DENND2B: variants seen among roughly 807,000 people sequenced by gnomAD.
DENND2B encodes DENN domain-containing protein 2B.
DENND2B carries 32 observed loss-of-function variants against 116.0 expected under a neutral mutation model. The observed-to-expected ratio is 0.28, with a 90% confidence interval of 0.21 to 0.37. DENND2B has a LOEUF of 0.37. Among genes scored for constraint, DENND2B ranks in the 10% least tolerant of loss-of-function variants. The pLI is 1.00. For synonymous variants in DENND2B, 588 were observed against 583.9 expected, an observed-to-expected ratio of 1.01 and a Z score of -0.10; for missense variants, 1,276 against 1,477.7, an observed-to-expected ratio of 0.86 and a Z score of 2.24.
At chr11:8,804,423 G>A (rs1404196298) in intron 1 of DENND2B, among the ~76,000 whole-genome samples, 1 of 152,136 alleles carries the variant, frequency 6.6e-6, no homozygotes, top group South Asian at 2.1e-4. Flanking sequence ...TTGAGAGGTG[G>A]GGAGGAAATC....
intron 3 of DENND2B, among the ~76,000 whole-genome samples, chr11:8,846,286 A>G (rs2062810367): frequency 6.6e-6 from 1 of 152,228 alleles, no homozygotes; most frequent in Non-Finnish European, 1.5e-5. Flanking sequence ...TGAGTGTGGT[A>G]TGAAGGAATA....
chr11:8,814,192 A>C (rs2061489548), upstream of DENND2B, among the ~76,000 whole-genome samples: 2 of 150,414 alleles, frequency 1.3e-5, no homozygotes, highest in African/African-American at 4.9e-5. Flanking sequence ...CTCTCACCTT[A>C]ATTATTGCAA....
intron 1 of DENND2B, among the ~76,000 whole-genome samples, chr11:8,788,919 C>T (rs1056284476): frequency 6.6e-6 from 1 of 152,202 alleles, no homozygotes; most frequent in Non-Finnish European, 1.5e-5. Context: ...TTTCCTTCTG[C>T]CAATCCAGGC....
chr11:8,734,682 G>A (rs1342546551), intron 2 of DENND2B, among the ~76,000 whole-genome samples: 1 of 151,668 alleles, frequency 6.6e-6, no homozygotes, highest in East Asian at 1.9e-4. Flanking sequence ...GCAGTGACTC[G>A]GGAGGCTGAG....
chr11:8,716,117 G>T (rs192168132), intron 5 of DENND2B, among the ~76,000 whole-genome samples: 6 of 152,208 alleles, frequency 3.9e-5, no homozygotes, highest in Admixed American at 2.0e-4. Flanking sequence ...GGAATTTTGC[G>T]GGGGTCCTCC....
chr11:8,710,830 AATGGCCTC>A lies in DENND2B; in HGVS notation c.2352+7_2352+14del, dbSNP rs1363949773. 3.7e-6 allele frequency: 6 copies of A among 1,612,772 alleles called. No homozygotes were observed. The East Asian group carries it at 1.3e-4, about 36-fold the overall frequency. On this transcript the variant is annotated splice_region_variant and intron_variant, in intron 11 of 19. Transcript: ENST00000313726. ...CCCCTGCCTGCTGGCCTGAGGACCG[AATGGCCTC>A]ACTCACCAGTAAGCGCCTGCAGTAG...
At chr11:8,699,143 C>T in intron 15 of DENND2B, 70 bp downstream of exon 15, 1 of 1,516,984 alleles carries the variant, frequency 6.6e-7, no homozygotes, top group Non-Finnish European at 8.8e-7. Flanking sequence ...GGCCGAGGGG[C>T]CACAAGTAAG....
At chr11:8,906,562 T>C (rs1042914396) in intron 1 of DENND2B, among the ~76,000 whole-genome samples, 2 of 151,844 alleles carry the variant, frequency 1.3e-5, no homozygotes, top group East Asian at 3.9e-4. Flanking sequence ...ATATTAAATA[T>C]CTTCCAAATA....
chr11:8,880,696 G>A (rs73410028), intron 2 of DENND2B, among the ~76,000 whole-genome samples: 3,247 of 152,164 alleles, frequency 0.021, 109 homozygotes, highest in African/African-American at 0.073. Flanking sequence ...GCAAGACTTC[G>A]TCTCTAAAAA....
chr11:8,759,509 A>G (rs145190403), intron 1 of DENND2B, among the ~76,000 whole-genome samples: 1 of 152,178 alleles, frequency 6.6e-6, no homozygotes, highest in Non-Finnish European at 1.5e-5. Flanking sequence ...AATTTCTGCT[A>G]CATCTATGTT....
At chr11:8,795,027 C>A (rs1462349813) in intron 1 of DENND2B, among the ~76,000 whole-genome samples, 2 of 152,248 alleles carry the variant, frequency 1.3e-5, no homozygotes, top group Non-Finnish European at 2.9e-5. Context: ...GCCCTGCCAG[C>A]CAGTAGTAGT....
chr11:8,875,723 C>T (rs1234981725), upstream of DENND2B, among the ~76,000 whole-genome samples: 2 of 152,014 alleles, frequency 1.3e-5, no homozygotes, highest in Non-Finnish European at 2.9e-5. Context: ...GCCACCACAC[C>T]TAGCTGACAT....
intron 1 of DENND2B, among the ~76,000 whole-genome samples, chr11:8,765,671 T>C (rs1293870619): frequency 7.1e-6 from 1 of 140,246 alleles, no homozygotes; most frequent in African/African-American, 2.5e-5. Context: ...TAAATATTTT[T>C]CCTTTCAATT....
intron 1 of DENND2B, among the ~76,000 whole-genome samples, chr11:8,899,311 A>G (rs1273293159): frequency 6.6e-6 from 1 of 151,688 alleles, no homozygotes; most frequent in East Asian, 1.9e-4. Flanking sequence ...AAAACTTTAT[A>G]AATTTGAGGA....
chr11:8,766,833 G>A (rs1464531803), intron 1 of DENND2B: 5 of 396,874 alleles, frequency 1.3e-5, no homozygotes, highest in Non-Finnish European at 2.3e-5. Context: ...ATAGAATACA[G>A]TTATAGAACT....
At chr11:8,726,902 C>T (rs1210049885) in intron 3 of DENND2B, among the ~76,000 whole-genome samples, 1 of 152,210 alleles carries the variant, frequency 6.6e-6, no homozygotes, top group Non-Finnish European at 1.5e-5. Flanking sequence ...CAAGGTGGAG[C>T]TGGGAGGACA....
At chr11:8,859,133 A>G (rs1316885748) in intron 2 of DENND2B, among the ~76,000 whole-genome samples, 1 of 152,202 alleles carries the variant, frequency 6.6e-6, no homozygotes, top group Admixed American at 6.5e-5. Flanking sequence ...AACCCCCTGT[A>G]TGTATCAATA....
At chr11:8,816,697 G>A (rs552157634) in intron 4 of DENND2B, among the ~76,000 whole-genome samples, 110 of 152,184 alleles carry the variant, frequency 7.2e-4, no homozygotes, top group Non-Finnish European at 1.4e-3. Context: ...TGGTCAAGAG[G>A]GAAGCTTTTA....
At chr11:8,824,926 T>C (rs751574318) in intron 4 of DENND2B, among the ~76,000 whole-genome samples, 12 of 150,838 alleles carry the variant, frequency 8.0e-5, no homozygotes, top group Non-Finnish European at 1.8e-4. Flanking sequence ...CTCGAACTCC[T>C]GACCTCAAGT....
Sources: allele counts gnomAD v4.1 joint callset (sites outside exome capture counted in the v4.1 genomes callset), GRCh38; gene constraint gnomAD v4.1.1; transcripts MANE v1.5; gene names NCBI Gene and HGNC (gene_info 2026-07-23, HGNC 2026-07-21).